The following DISP2 variants were observed in gnomAD, a reference collection of about 807,000 sequenced individuals.
DISP2 encodes the protein dispatched RND transporter family member 2, also known as protein dispatched homolog 2.
In DISP2, 59 loss-of-function variants were observed where a neutral mutation model predicts 95.5. The observed-to-expected ratio is 0.62, with a 90% CI of 0.50 to 0.77. DISP2 has a LOEUF of 0.77. Ranked by LOEUF, DISP2 falls within the 30% of genes least tolerant of loss-of-function variation. The pLI is 0.00. For missense variants in DISP2, 1,752 were observed against 1,854.6 expected, an observed-to-expected ratio of 0.94 and a Z score of 1.02; for synonymous variants, 827 against 815.0, an observed-to-expected ratio of 1.01 and a Z score of -0.25.
chr15:40,374,900 C>T lies in DISP2; in HGVS notation c.*4582C>T, dbSNP rs1168626198. 2 of 152,174 alleles carry T rather than the reference C, an allele frequency of 1.3e-5. No individual in the cohort carries two copies. Among genetic ancestry groups the T allele is most frequent in the African/African-American group, 4.8e-5 (2 of 41,440 alleles). The allele number at this position is 152,174 out of a possible 1,614,324, so 9.4% of individuals were successfully genotyped here. ...CTGGGATTACAGGTGTGAGCCACTACACCCGGCCCTGATCTTTTCTTTGAC... is the reference window on the plus strand; with the variant it reads ...CTGGGATTACAGGTGTGAGCCACTATACCCGGCCCTGATCTTTTCTTTGAC... On this transcript the variant is annotated 3_prime_UTR_variant, in exon 8 of 8. Coordinates refer to ENST00000267889, the MANE Select transcript of DISP2 (RefSeq NM_033510.3).
Position 40,363,815 on chromosome 15 carries a change from G to C in DISP2, c.310G>C (p.Gly104Arg). 6.2e-7 allele frequency: 1 copy of C among 1,612,244 alleles called. No individual in the cohort carries two copies. ...TCCCCGGGCACTGCAGGAATACCAG[G>C]GGGGCAGTTCCCTGCCAGGACTTGG... The part of the protein sequence containing the change: ...TYPRALQEYQ[G>R]GSSLPGLGDR... Residue 104 changes from glycine (G) to arginine (R), a missense_variant, in exon 2 of 8, where the codon GGG becomes CGG. Coordinates refer to ENST00000267889, the MANE Select transcript of DISP2 (RefSeq NM_033510.3).
At position 40,363,809 on chromosome 15, in the gene DISP2, T is replaced by C. The variant is rs750382132; in HGVS notation, c.304T>C (p.Tyr102His). The C allele has an allele frequency of 6.2e-7, 1 of 1,612,524 alleles. No homozygotes were observed. Among genetic ancestry groups the C allele is most frequent in the Admixed American group, 1.7e-5 (1 of 59,864 alleles). ...CACCTATCCCCGGGCACTGCAGGAA[T>C]ACCAGGGGGGCAGTTCCCTGCCAGG... is the stretch of plus-strand genomic sequence containing the variant. ...HFTYPRALQE[Y>H]QGGSSLPGLG... Residue 102 changes from tyrosine (Y) to histidine (H), a missense_variant, in exon 2 of 8, where the codon TAC becomes CAC. Tyr to His is a moderately conservative substitution (Grantham distance 83). Around this residue, in one of 5 missense-constraint regions of DISP2, gnomAD observed 342 missense variants for 364.3 expected, o/e 0.94. Transcript: ENST00000267889.
At chr15:40,362,572 G>A (rs1889421988) in intron 1 of DISP2, among the ~76,000 whole-genome samples, 1 of 150,256 alleles carries the variant, frequency 6.7e-6, no homozygotes, top group Non-Finnish European at 1.5e-5. Context: ...CCACATGAAA[G>A]ATAGGCAATA....
Position 40,369,730 on chromosome 15 carries a change from G to T in DISP2, c.3618G>T (p.Arg1206=). The change falls in exon 8 of 8, where the codon CGG becomes CGT. Residue 1206 remains arginine, a synonymous_variant. Transcript: ENST00000267889. ...LQLHDGPCCS[R]PPPAPASPRE... Reference sequence around the variant, plus strand: ...TCCATGATGGTCCGTGCTGTTCCCGGCCCCCACCAGCCCCTGCCTCCCCAA... The same window carrying T: ...TCCATGATGGTCCGTGCTGTTCCCGTCCCCCACCAGCCCCTGCCTCCCCAA... The T allele has an allele frequency of 1.2e-6, 2 of 1,609,532 alleles. No individual in the cohort carries two copies. The highest frequency in any genetic ancestry group is 8.5e-7 in the Non-Finnish European group (1 of 1,179,496).
At chr15:40,365,356 TG>T in intron 6 of DISP2, 82 bp downstream of exon 6, 1 of 1,547,258 alleles carries the variant, frequency 6.5e-7, no homozygotes, top group Non-Finnish European at 8.7e-7. Context: ...AGAACAAATC[TG>T]GGCAGACAGA....
chr15:40,358,368 C>T lies in DISP2; in HGVS notation c.47C>T (p.Pro16Leu), dbSNP rs994083053. ...AGCAGCGGCGGCAGCGGTCCGGCTC[C>T]CGGCCCGGGTCCGGAAGGGGAGCAA... ...SSSSGGSGPA[P>L]GPGPEGEQRP... Residue 16 changes from proline to leucine, a missense_variant, in exon 1 of 8, where the codon CCC (proline) becomes CTC (leucine). Transcript: ENST00000267889. 5.1e-6 allele frequency: 7 copies of T among 1,377,686 alleles called. No individual in the cohort carries two copies. In the African/African-American group the frequency reaches 1.1e-4, roughly 21 times the overall value. The allele number at this position is 1,377,686 out of a possible 1,614,324, so 85.3% of individuals were successfully genotyped here. A position where few individuals can be genotyped will look rare whatever the true frequency, so the allele number is the denominator to read the frequency against.
In DISP2 at chr15:40,367,226, G is replaced by A. The variant is rs1411509545; in HGVS notation, c.1114G>A (p.Ala372Thr). 1.9e-6 allele frequency: 3 copies of A among 1,613,872 alleles called. No homozygotes were observed. Among genetic ancestry groups the A allele is most frequent in the Admixed American group, 3.3e-5 (2 of 59,992 alleles). Residue 372 changes from alanine (A) to threonine (T), a missense_variant, in exon 8 of 8, where the codon GCC (alanine) becomes ACC (threonine). Ala to Thr is a moderately conservative substitution (Grantham distance 58). Around this residue, in one of 5 missense-constraint regions of DISP2, gnomAD observed 732 missense variants for 714.6 expected, o/e 1.02. Transcript: ENST00000267889. ...ARTLALLRTC[A>T]LYYHSGALVP... ...CACACTGGCCCTGCTTCGGACCTGT[G>A]CCCTCTACTACCACAGTGGCGCCTT... is the stretch of plus-strand genomic sequence containing the variant.
chr15:40,368,184 TC>T lies in DISP2; in HGVS notation c.2074del (p.Gln692SerfsTer105). 6.2e-7 allele frequency: 1 copy of T among 1,600,356 alleles called. No individual in the cohort carries two copies. Among genetic ancestry groups the T allele is most frequent in the South Asian group, 1.1e-5 (1 of 90,160 alleles). ...GCGGCTGGCACCTCGCGTCTGCTCT[TC>T]CAGCGCCTGCTGCCCTGCGGCGTCA... ...RAAAGTSRLL[F>X]QRLLPCGVIK... On this transcript the variant is annotated frameshift_variant, in exon 8 of 8. Transcript: ENST00000267889. LOFTEE classifies it high-confidence loss of function.
At chr15:40,365,755 TG>T in intron 7 of DISP2, 30 bp downstream of exon 7, 2 of 1,607,474 alleles carry the variant, frequency 1.2e-6, no homozygotes, top group Non-Finnish European at 8.5e-7. Flanking sequence ...GCCAGGGGTT[TG>T]GGGGGAACTA....
In DISP2 at chr15:40,371,924, G is replaced by A. The variant is rs1271134959; in HGVS notation, c.*1606G>A. On this transcript the variant is annotated 3_prime_UTR_variant, in exon 8 of 8. Coordinates refer to ENST00000267889, the MANE Select transcript of DISP2 (RefSeq NM_033510.3). ...CCATATGCCTGCCATCATCATTATT[G>A]TTGGAGCTCAAGTACCCAGGACTGG... is the stretch of plus-strand genomic sequence containing the variant. 6.6e-6 allele frequency: 1 copy of A among 152,140 alleles called. No individual in the cohort carries two copies. The highest frequency in any genetic ancestry group is 1.5e-5 in the Non-Finnish European group (1 of 68,016). 9.4% of individuals were successfully genotyped at this position (152,140 alleles called of 1,614,324 possible). A position where few individuals can be genotyped will look rare whatever the true frequency, so the allele number is the denominator to read the frequency against.
rs140286504 is a variant in DISP2 at position 40,368,911 on chromosome 15, G to A, written c.2799G>A (p.Ala933=). The change falls in exon 8 of 8, where the codon GCG becomes GCA. Residue 933 remains alanine, a synonymous_variant. Transcript: ENST00000267889. Reference sequence around the variant, plus strand: ...ATGAGGTCAGCCACTGGCTGGCAGCGGAGCTGGGCATGGCACCTCCAGGCC... The same window carrying A: ...ATGAGGTCAGCCACTGGCTGGCAGCAGAGCTGGGCATGGCACCTCCAGGCC... The part of the protein sequence containing the change: ...FYNEVSHWLA[A]ELGMAPPGLR... The A allele has an allele frequency of 2.1e-4, 341 of 1,613,888 alleles. No individual in the cohort carries two copies. In the African/African-American group the frequency reaches 2.5e-3, roughly 12 times the overall value.
intron 1 of DISP2, among the ~76,000 whole-genome samples, chr15:40,358,650 C>T (rs2141257500): frequency 6.6e-6 from 1 of 152,238 alleles, no homozygotes; most frequent in South Asian, 2.1e-4. Flanking sequence ...CTAGTGTCAG[C>T]CCCCATCGCC....
Position 40,358,282 on chromosome 15 carries a change from C to G in DISP2, c.-40C>G, listed in dbSNP as rs1219643269. 2 of 1,240,316 alleles carry G rather than the reference C, an allele frequency of 1.6e-6. No homozygotes were observed. The highest frequency in any genetic ancestry group is 3.1e-5 in the African/African-American group (2 of 63,754). 76.8% of individuals were successfully genotyped at this position (1,240,316 alleles called of 1,614,324 possible). A position where few individuals can be genotyped will look rare whatever the true frequency, so the allele number is the denominator to read the frequency against. On this transcript the variant is annotated 5_prime_UTR_variant, in exon 1 of 8. Transcript: ENST00000267889. ...GCCGCCGCCGCCGCCGCCGCCGCGG[C>G]TTCAGCACCAGCGCCCGGACAGCGG...
chr15:40,362,457 A>C (rs934929316), intron 1 of DISP2, among the ~76,000 whole-genome samples: 1 of 152,236 alleles, frequency 6.6e-6, no homozygotes, highest in Non-Finnish European at 1.5e-5. Context: ...GCACTCATTC[A>C]ACAAACATTT....
rs1300984533 is a variant in DISP2, at chr15:40,369,223, C to T, written c.3111C>T (p.Cys1037=). ...CAGTAGACTTCACTGTCAACTACTG[C>T]ATCTCCTATCACCTGTGCCCACACC... is the stretch of plus-strand genomic sequence containing the variant. ...GLSVDFTVNY[C]ISYHLCPHPD... The change falls in exon 8 of 8, where the codon TGC becomes TGT. Residue 1037 remains cysteine (C), a synonymous_variant. Transcript: ENST00000267889. The T allele has an allele frequency of 1.2e-6, 2 of 1,613,906 alleles. No individual in the cohort carries two copies. The highest frequency in any genetic ancestry group is 1.7e-6 in the Non-Finnish European group (2 of 1,180,026).
At chr15:40,366,999 G>A (rs569973086) in intron 7 of DISP2, 59 bp from the exon 8 acceptor site, 17 of 1,582,552 alleles carry the variant, frequency 1.1e-5, no homozygotes, top group Non-Finnish European at 1.4e-5. Flanking sequence ...GTATAGGACT[G>A]GGAAAACCTG....
chr15:40,369,154 C>T lies in DISP2; in HGVS notation c.3042C>T (p.Leu1014=), dbSNP rs767233498. The T allele has an allele frequency of 1.2e-6, 2 of 1,613,874 alleles. No individual in the cohort carries two copies. Among genetic ancestry groups the T allele is most frequent in the Admixed American group, 3.3e-5 (2 of 60,032 alleles). ...TCCTGGTTCTCCTCGAGTGGCAGCT[C>T]AACACTGCCGAGGCCCTGTTTCTCT... ...VGLLVLLEWQ[L]NTAEALFLSA... Residue 1014 remains leucine, a synonymous_variant, in exon 8 of 8, where the codon CTC becomes CTT. Coordinates refer to ENST00000267889, the MANE Select transcript of DISP2 (RefSeq NM_033510.3).
intron 1 of DISP2, 35 bp downstream of exon 1, chr15:40,358,475 A>G (rs1036495151): frequency 8.3e-7 from 1 of 1,210,668 alleles, no homozygotes; most frequent in African/African-American, 1.6e-5. Context: ...CGTATCACAG[A>G]CCCTCCCAGA....
rs368057749 is a variant in DISP2 at position 40,375,535 on chromosome 15, A to C, written c.*5217A>C. Reference sequence around the variant, plus strand: ...CACCTTCCCCCACCCCTCAGTGGACAAAAAAAAAAAAAAAATTCTTCATGA... The same window carrying C: ...CACCTTCCCCCACCCCTCAGTGGACCAAAAAAAAAAAAAAATTCTTCATGA... On this transcript the variant is annotated 3_prime_UTR_variant, in exon 8 of 8. Coordinates refer to ENST00000267889, the MANE Select transcript of DISP2 (RefSeq NM_033510.3). The C allele has an allele frequency of 1.6e-5, 2 of 128,448 alleles. No homozygotes were observed. Among genetic ancestry groups the C allele is most frequent in the African/African-American group, 3.5e-5 (1 of 28,196 alleles). The allele number at this position is 128,448 out of a possible 1,614,324, so 8.0% of individuals were successfully genotyped here.
Sources: gnomAD v4.1 joint callset for allele counts (sites outside exome capture counted in the v4.1 genomes callset) on GRCh38, gnomAD v4.1.1 for gene constraint, gnomAD v4.1.1 regional missense constraint, MANE v1.5 for transcripts, NCBI Gene and HGNC (gene_info 2026-07-23, HGNC 2026-07-21) for gene names.